SHMT1: variants seen among roughly 807,000 people sequenced by gnomAD.
SHMT1 encodes the protein serine hydroxymethyltransferase 1, also known as serine hydroxymethyltransferase, cytosolic.
Under a neutral mutation model 49.0 loss-of-function variants are expected in SHMT1, and 45 were observed. The ratio of observed to expected loss-of-function variants is 0.92; its 90% CI spans 0.72 to 1.18. The LOEUF is 1.18. SHMT1 is among the 50% of genes most tolerant of loss of function. SHMT1 has a pLI of 0.00. For missense variants in SHMT1, 541 were observed against 612.4 expected, an observed-to-expected ratio of 0.88 and a Z score of 1.23; for synonymous variants, 232 against 246.6, an observed-to-expected ratio of 0.94 and a Z score of 0.55.
At chr17:18,347,436 A>G in intron 5 of SHMT1, 60 bp downstream of exon 5, 1 of 1,588,310 alleles carries the variant, frequency 6.3e-7, no homozygotes, top group Non-Finnish European at 8.6e-7. Flanking sequence ...CCCTGCAGGC[A>G]CAGCCAAGCA....
At chr17:18,345,732 G>A (rs1449011628) in intron 5 of SHMT1, among the ~76,000 whole-genome samples, 1 of 151,566 alleles carries the variant, frequency 6.6e-6, no homozygotes, top group African/African-American at 2.4e-5. Flanking sequence ...CCACTCTGGA[G>A]TGCAATGGAG....
intron 5 of SHMT1, among the ~76,000 whole-genome samples, chr17:18,344,996 G>A (rs1281317063): frequency 6.6e-6 from 1 of 152,182 alleles, no homozygotes; most frequent in African/African-American, 2.4e-5. Context: ...GCAGCCCGGT[G>A]GGGTGGAGGT....
At chr17:18,338,156 G>A (rs1984046813) in intron 7 of SHMT1, among the ~76,000 whole-genome samples, 1 of 151,084 alleles carries the variant, frequency 6.6e-6, no homozygotes, top group Non-Finnish European at 1.5e-5. Flanking sequence ...CCCATCATCT[G>A]AGATGTGGGG....
chr17:18,355,239 A>C (rs945896549), intron 2 of SHMT1, among the ~76,000 whole-genome samples: 1 of 131,836 alleles, frequency 7.6e-6, no homozygotes, highest in African/African-American at 2.9e-5. Context: ...GTGTGGTGGC[A>C]GGCACCTGTA....
chr17:18,344,576 G>GA (rs748167371), intron 5 of SHMT1, among the ~76,000 whole-genome samples: 2 of 26,376 alleles, frequency 7.6e-5, no homozygotes, highest in Admixed American at 4.7e-4. Flanking sequence ...CACAATTACC[G>GA]GAAAAAAAAA....
rs1299546015 is a variant in SHMT1, at chr17:18,363,505, C to G, written c.-153G>C. On this transcript the variant is annotated 5_prime_UTR_variant, in exon 1 of 12. Transcript: ENST00000316694. ...CCCAAACCCCGAACTTGGCGCTGGA[C>G]CGCTCGAGCTCAGGAAGGTGCACTC... The G allele has an allele frequency of 6.6e-6, 1 of 152,492 alleles. No individual in the cohort carries two copies. The highest frequency in any genetic ancestry group is 1.5e-5 in the Non-Finnish European group (1 of 68,266). 9.4% of individuals were successfully genotyped at this position (152,492 alleles called of 1,614,324 possible).
chr17:18,345,000 TGGA>T (rs1984934953), intron 5 of SHMT1, among the ~76,000 whole-genome samples: 1 of 152,054 alleles, frequency 6.6e-6, no homozygotes, highest in Admixed American at 6.5e-5. Flanking sequence ...CCCGGTGGGG[TGGA>T]GGTGAGCTGC....
chr17:18,353,582 T>A, intron 3 of SHMT1, 90 bp downstream of exon 3: 1 of 1,359,064 alleles, frequency 7.4e-7, no homozygotes, highest in African/African-American at 1.4e-5. Context: ...GCTTATTGTT[T>A]TCTGAAATTT....
intron 7 of SHMT1, among the ~76,000 whole-genome samples, chr17:18,337,085 A>G (rs536090770): frequency 2.0e-4 from 15 of 74,338 alleles, no homozygotes; most frequent in African/African-American, 7.8e-4. Context: ...GGTAACATCT[A>G]TCTAGAGCTT....
chr17:18,340,033 G>T lies in SHMT1; in HGVS notation c.814+10C>A. On this transcript the variant is annotated intron_variant, in intron 7 of 11. Coordinates refer to ENST00000316694, the MANE Select transcript of SHMT1 (RefSeq NM_004169.5). This position sits in a 1 kb window ranked among gnomAD's most constrained non-coding sequence, Gnocchi z 4.5. ...TGGTACCCATCTGTACCCAACATTCGGGAGCTCACCTTTCCTGTAGAAGAT... is the reference window on the plus strand; with the variant it reads ...TGGTACCCATCTGTACCCAACATTCTGGAGCTCACCTTTCCTGTAGAAGAT... 6.2e-7 allele frequency: 1 copy of T among 1,612,148 alleles called. No individual in the cohort carries two copies.
At chr17:18,330,435 C>A in intron 10 of SHMT1, 120 bp downstream of exon 10, 1 of 831,778 alleles carries the variant, frequency 1.2e-6, no homozygotes, top group African/African-American at 1.7e-5. Flanking sequence ...CGTGCCCAGC[C>A]CCCACTACAG....
chr17:18,352,393 G>C (rs1046311804), intron 3 of SHMT1, among the ~76,000 whole-genome samples: 15 of 152,240 alleles, frequency 9.9e-5, no homozygotes, highest in African/African-American at 3.4e-4. Context: ...TGATCCGCCC[G>C]CCTGGGCCTC....
At position 18,338,100 on chromosome 17, in the gene SHMT1, C is replaced by T. The variant is rs553812796; in HGVS notation, c.814+1943G>A. Among the ~76,000 whole-genome samples the T allele has an allele frequency of 9.0e-4, 136 of 150,840 alleles. 1 individual carries two copies. The highest frequency in any genetic ancestry group is 3.1e-3 in the African/African-American group (128 of 41,076). On this transcript the variant is annotated intron_variant, in intron 7 of 11. Coordinates refer to ENST00000316694, the MANE Select transcript of SHMT1 (RefSeq NM_004169.5). ...CTGGGAAGTGAGGAGCGCCTCTTCCCGGCCGCCATCCCGTCTAGGAAGTGA... is the reference window on the plus strand; with the variant it reads ...CTGGGAAGTGAGGAGCGCCTCTTCCTGGCCGCCATCCCGTCTAGGAAGTGA...
At chr17:18,333,941 GGC>G (rs1983517822) in intron 8 of SHMT1, among the ~76,000 whole-genome samples, 3 of 151,872 alleles carry the variant, frequency 2.0e-5, no homozygotes, top group Admixed American at 2.0e-4. Flanking sequence ...TACCACACCT[GGC>G]TAATTTTTTT....
Position 18,340,084 on chromosome 17 carries a change from G to A in SHMT1, c.773C>T (p.Thr258Ile). ...CHVVTTTTHK[T>I]LRGCRAGMIF... The stretch of plus-strand genomic sequence containing the variant: ...CATGCCAGCTCGGCAGCCTCGCAGG[G>A]TCTTGTGAGTGGTGGTGGTCACCAC... The change falls in exon 7 of 12, where the codon ACC (threonine) becomes ATC (isoleucine). Residue 258 changes from threonine to isoleucine, a missense_variant. Physicochemically the swap from Thr to Ile is moderately conservative, Grantham distance 89. Coordinates refer to ENST00000316694, the MANE Select transcript of SHMT1 (RefSeq NM_004169.5). This position sits in a 1 kb window ranked among gnomAD's most constrained non-coding sequence, Gnocchi z 4.5. The A allele has an allele frequency of 6.2e-7, 1 of 1,614,128 alleles. No individual in the cohort carries two copies.
At position 18,356,847 on chromosome 17, in the gene SHMT1, G is replaced by A. The variant is rs111649043; in HGVS notation, c.-19-847C>T. On this transcript the variant is annotated intron_variant, in intron 1 of 11. Coordinates refer to ENST00000316694, the MANE Select transcript of SHMT1 (RefSeq NM_004169.5). ...AACTGACCCTCCTCCCCACCTGCAGGGAGCCCAACTCCGCCTCCTCTCAGC... is the reference window on the plus strand; with the variant it reads ...AACTGACCCTCCTCCCCACCTGCAGAGAGCCCAACTCCGCCTCCTCTCAGC... 8.4e-3 allele frequency among the ~76,000 whole-genome samples: 1,279 copies of A among 151,990 alleles called. 22 individuals are homozygous for A. Among genetic ancestry groups the A allele is most frequent in the African/African-American group, 0.028 (1,164 of 41,442 alleles).
At chr17:18,360,724 A>G (rs548856342) in intron 1 of SHMT1, among the ~76,000 whole-genome samples, 1 of 152,304 alleles carries the variant, frequency 6.6e-6, no homozygotes, top group South Asian at 2.1e-4. Flanking sequence ...ACAAGTGCAG[A>G]GCACCCCAAG....
intron 1 of SHMT1, among the ~76,000 whole-genome samples, chr17:18,356,765 G>A (rs529229089): frequency 6.6e-6 from 1 of 152,104 alleles, no homozygotes; most frequent in South Asian, 2.1e-4. Flanking sequence ...ACCACCATGT[G>A]GAACTTCTGG....
At chr17:18,329,032 G>T in intron 11 of SHMT1, 113 bp from the exon 12 acceptor site, 1 of 1,352,760 alleles carries the variant, frequency 7.4e-7, no homozygotes, top group Non-Finnish European at 1.0e-6. Context: ...GTGTGGCAGG[G>T]CACAAGGTCT....
Sources: gnomAD v4.1 joint callset for allele counts (sites outside exome capture counted in the v4.1 genomes callset) on GRCh38, gnomAD v4.1.1 for gene constraint, Gnocchi (gnomAD v3.1) non-coding constraint, MANE v1.5 for transcripts, NCBI Gene and HGNC (gene_info 2026-07-23, HGNC 2026-07-21) for gene names.